The following SHANK2 variants were observed in gnomAD, a reference collection of about 807,000 sequenced individuals.
The protein encoded by SHANK2 is SH3 and multiple ankyrin repeat domains protein 2.
In SHANK2, 43 loss-of-function variants were observed where a neutral mutation model predicts 133.7. The ratio of observed to expected loss-of-function variants is 0.32; its 90% CI spans 0.25 to 0.41. SHANK2 has a LOEUF of 0.41. Among genes scored for constraint, SHANK2 ranks in the 10% least tolerant of loss-of-function variants. SHANK2 has a pLI of 1.00. For missense variants in SHANK2, 1,994 were observed against 2,235.8 expected (o/e 0.89, Z 2.18); for synonymous variants, 1,017 against 952.8 (o/e 1.07, Z -1.24).
chr11:71,111,394 T>C (rs1555099220), intron 5 of SHANK2, among the ~76,000 whole-genome samples: 1 of 152,134 alleles, frequency 6.6e-6, no homozygotes, highest in Non-Finnish European at 1.5e-5. Context: ...TCATTTCCTG[T>C]GAGGTCATGA....
chr11:70,809,653 C>T (rs1416120147), intron 12 of SHANK2, among the ~76,000 whole-genome samples: 4 of 152,170 alleles, frequency 2.6e-5, no homozygotes, highest in East Asian at 1.9e-4. Flanking sequence ...CCATGTACTC[C>T]GATTACTCTG....
At chr11:70,647,237 G>C (rs2061276613) in intron 17 of SHANK2, 1 of 152,242 alleles carries the variant, frequency 6.6e-6, no homozygotes, top group African/African-American at 2.4e-5. Context: ...GTATGTAGAA[G>C]TAAGCCCCCA....
At chr11:70,884,161 G>C (rs1175877270) in intron 11 of SHANK2, among the ~76,000 whole-genome samples, 1 of 152,210 alleles carries the variant, frequency 6.6e-6, no homozygotes, top group Non-Finnish European at 1.5e-5. Flanking sequence ...CCCGAGTAGT[G>C]TTTCCCACCA....
chr11:70,533,956 G>A (rs1444975594), intron 17 of SHANK2, among the ~76,000 whole-genome samples: 1 of 152,168 alleles, frequency 6.6e-6, no homozygotes, highest in Non-Finnish European at 1.5e-5. Context: ...TCCTCTTTAT[G>A]GCCAAGTAGT....
intron 14 of SHANK2, among the ~76,000 whole-genome samples, chr11:70,768,458 G>A (rs548229609): frequency 6.6e-6 from 1 of 152,318 alleles, no homozygotes; most frequent in East Asian, 1.9e-4. Flanking sequence ...GCAGTTCAGG[G>A]AAGGCCCTTG....
intron 11 of SHANK2, among the ~76,000 whole-genome samples, chr11:70,846,182 A>G (rs1262932309): frequency 2.0e-5 from 3 of 152,174 alleles, no homozygotes; most frequent in Non-Finnish European, 4.4e-5. Flanking sequence ...ACCGTGGCAG[A>G]AAACGGAGGC....
chr11:70,669,752 C>A (rs1944759310), intron 15 of SHANK2: 1 of 152,378 alleles, frequency 6.6e-6, no homozygotes, highest in Non-Finnish European at 1.5e-5. Context: ...AACGTCACGA[C>A]CCATTTAAGC....
At chr11:71,174,457 G>A (rs371291589) in intron 2 of SHANK2, among the ~76,000 whole-genome samples, 16 of 152,098 alleles carry the variant, frequency 1.1e-4, no homozygotes, top group South Asian at 8.3e-4. Flanking sequence ...CGAGGCAGGC[G>A]GATCACGAGG....
chr11:70,652,974 C>A (rs1399032125), intron 17 of SHANK2, among the ~76,000 whole-genome samples: 1 of 152,074 alleles, frequency 6.6e-6, no homozygotes, highest in African/African-American at 2.4e-5. Context: ...CATTTTCTTT[C>A]CCTTTTCTCT....
At chr11:70,869,427 C>T (rs1949423412) in intron 11 of SHANK2, among the ~76,000 whole-genome samples, 1 of 152,190 alleles carries the variant, frequency 6.6e-6, no homozygotes, top group Admixed American at 6.5e-5. Context: ...CTGGGACCAA[C>T]AGAACTCCAC....
At chr11:71,152,155 C>G (rs1386779430) in intron 2 of SHANK2, among the ~76,000 whole-genome samples, 2 of 152,208 alleles carry the variant, frequency 1.3e-5, no homozygotes, top group African/African-American at 4.8e-5. Context: ...CTCTGTCGCC[C>G]AGGCCAGAGT....
At chr11:70,597,750 G>A (rs745473886) in intron 17 of SHANK2, among the ~76,000 whole-genome samples, 1 of 152,202 alleles carries the variant, frequency 6.6e-6, no homozygotes, top group East Asian at 1.9e-4. Context: ...GTGGGCACCT[G>A]TAATCCCAGC....
intron 2 of SHANK2, among the ~76,000 whole-genome samples, chr11:71,208,666 G>C (rs1357250087): frequency 6.6e-6 from 1 of 152,240 alleles, no homozygotes. Flanking sequence ...CACTGGCTTG[G>C]AATCCTGATT....
chr11:70,802,062 G>A (rs936683438), intron 13 of SHANK2, among the ~76,000 whole-genome samples: 1 of 152,276 alleles, frequency 6.6e-6, no homozygotes, highest in East Asian at 1.9e-4. Context: ...TTTGAATGGT[G>A]GGTAGAGAGC....
intron 11 of SHANK2, among the ~76,000 whole-genome samples, chr11:70,883,739 C>T (rs1555072848): frequency 6.6e-6 from 1 of 152,216 alleles, no homozygotes; most frequent in East Asian, 1.9e-4. Context: ...GTGGGCAAGA[C>T]CACGTGGAAA....
chr11:70,950,964 T>C, intron 10 of SHANK2: 1 of 164,342 alleles, frequency 6.1e-6, no homozygotes, highest in Admixed American at 6.2e-5. Context: ...CCACTACGCC[T>C]GGCCAACACA....
chr11:71,123,514 G>A (rs184113225), intron 3 of SHANK2, among the ~76,000 whole-genome samples: 1 of 152,242 alleles, frequency 6.6e-6, no homozygotes, highest in Admixed American at 6.5e-5. Flanking sequence ...CATAAGGAGA[G>A]GGAGGGAGGC....
intron 1 of SHANK2, among the ~76,000 whole-genome samples, chr11:71,234,162 A>G (rs1175772053): frequency 2.1e-5 from 3 of 140,462 alleles, no homozygotes; most frequent in Non-Finnish European, 4.5e-5. Context: ...CCTGGCCAAC[A>G]TAGTGAAACT....
intron 17 of SHANK2, chr11:70,566,436 T>C (rs2059969085): frequency 6.6e-6 from 1 of 152,190 alleles, no homozygotes; most frequent in African/African-American, 2.4e-5. Flanking sequence ...AAAGTGACAC[T>C]GCACCCTCGC....
Sources: gnomAD v4.1 joint callset for allele counts (sites outside exome capture counted in the v4.1 genomes callset) on GRCh38, gnomAD v4.1.1 for gene constraint, MANE v1.5 for transcripts, NCBI Gene and HGNC (gene_info 2026-07-23, HGNC 2026-07-21) for gene names.